VAV3: variants seen among roughly 807,000 people sequenced by gnomAD.
The protein encoded by VAV3 is guanine nucleotide exchange factor VAV3.
In VAV3, 94 loss-of-function variants were observed where a neutral mutation model predicts 131.2. The observed-to-expected ratio is 0.72, with a 90% CI of 0.61 to 0.85. The LOEUF (loss-of-function observed/expected upper bound fraction) is 0.85. Ranked by LOEUF, VAV3 falls within the 40% of genes least tolerant of loss-of-function variation. The pLI is 0.00. For missense variants in VAV3, 939 were observed against 1,002.7 expected, an observed-to-expected ratio of 0.94 and a Z score of 0.86; for synonymous variants, 349 against 342.0, an observed-to-expected ratio of 1.02 and a Z score of -0.22.
chr1:107,895,478 C>T (rs1557908256), intron 1 of VAV3, among the ~76,000 whole-genome samples: 1 of 152,166 alleles, frequency 6.6e-6, no homozygotes. Flanking sequence ...CACAGCTACC[C>T]CCATTTTACA....
At chr1:107,713,931 A>T (rs985411313) in intron 15 of VAV3, among the ~76,000 whole-genome samples, 2 of 152,152 alleles carry the variant, frequency 1.3e-5, no homozygotes, top group Non-Finnish European at 2.9e-5. Context: ...TTAAGAACTA[A>T]TTATTCTAAA....
chr1:107,830,401 T>C (rs991356088), intron 2 of VAV3, among the ~76,000 whole-genome samples: 5 of 151,764 alleles, frequency 3.3e-5, no homozygotes, highest in African/African-American at 1.2e-4. Context: ...GAGATGGGTC[T>C]CACTATTGTG....
chr1:107,620,984 C>A (rs991866500), intron 20 of VAV3, among the ~76,000 whole-genome samples: 1 of 151,924 alleles, frequency 6.6e-6, no homozygotes, highest in African/African-American at 2.4e-5. Flanking sequence ...CAAATCAGGA[C>A]CTTTTGAGAG....
intron 21 of VAV3, 97 bp from the exon 22 acceptor site, chr1:107,610,062 C>A: frequency 9.1e-7 from 1 of 1,102,860 alleles, no homozygotes; most frequent in Non-Finnish European, 1.4e-6. Flanking sequence ...CTCTATAAAA[C>A]CCTAAGTGGC....
At chr1:107,942,743 G>T (rs564110776) in intron 1 of VAV3, among the ~76,000 whole-genome samples, 33 of 151,978 alleles carry the variant, frequency 2.2e-4, no homozygotes, top group Non-Finnish European at 3.7e-4. Context: ...ACCAACCCCC[G>T]GCCTTTGTAA....
At chr1:107,938,951 C>A (rs560004977) in intron 1 of VAV3, among the ~76,000 whole-genome samples, 1 of 152,306 alleles carries the variant, frequency 6.6e-6, no homozygotes. Context: ...AAACTGTGTT[C>A]AAATAAGGCA....
rs529775666 is a variant in VAV3 at position 107,824,859 on chromosome 1, G to T, written c.322-45367C>A. 8.6e-5 allele frequency among the ~76,000 whole-genome samples: 13 copies of T among 151,802 alleles called. No homozygotes were observed. The South Asian group carries it at 2.7e-3, about 32-fold the overall frequency. On this transcript the variant is annotated intron_variant, in intron 2 of 26. Transcript: ENST00000370056. ...TAGAAATAATATAAAAATATAAAAAGCAATATTAACCAAAAGAAATAGAAG... is the reference window on the plus strand; with the variant it reads ...TAGAAATAATATAAAAATATAAAAATCAATATTAACCAAAAGAAATAGAAG...
intron 9 of VAV3, among the ~76,000 whole-genome samples, chr1:107,763,030 G>A (rs1193295720): frequency 6.6e-6 from 1 of 152,104 alleles, no homozygotes; most frequent in African/African-American, 2.4e-5. Context: ...AACTCAACAA[G>A]AACAAAAATA....
At chr1:107,738,525 GC>G in intron 15 of VAV3, among the ~76,000 whole-genome samples, 1 of 152,138 alleles carries the variant, frequency 6.6e-6, no homozygotes, top group Non-Finnish European at 1.5e-5. Flanking sequence ...TGACTTCCTT[GC>G]CATCTCCCCA....
intron 12 of VAV3, among the ~76,000 whole-genome samples, chr1:107,754,545 G>T (rs2102090130): frequency 6.6e-6 from 1 of 152,300 alleles, no homozygotes; most frequent in South Asian, 2.1e-4. Context: ...TGCTCACAGG[G>T]TCTTCTTGAA....
intron 15 of VAV3, among the ~76,000 whole-genome samples, chr1:107,720,675 T>A (rs911757530): frequency 5.3e-5 from 8 of 152,230 alleles, no homozygotes; most frequent in Non-Finnish European, 7.4e-5. Context: ...CAAAACTCCA[T>A]CTCAAGAGAA....
At chr1:107,599,215 TAC>T (rs1337163020) in intron 24 of VAV3, among the ~76,000 whole-genome samples, 1 of 152,226 alleles carries the variant, frequency 6.6e-6, no homozygotes, top group Non-Finnish European at 1.5e-5. Flanking sequence ...GTTCCATTTT[TAC>T]AGTCTTACGA....
chr1:107,619,476 T>C (rs140269482), intron 20 of VAV3, among the ~76,000 whole-genome samples: 77 of 152,258 alleles, frequency 5.1e-4, no homozygotes, highest in African/African-American at 1.6e-3. Flanking sequence ...TTTGGGACTA[T>C]ACCACTAGCC....
chr1:107,636,557 T>A (rs1409974414), intron 20 of VAV3, among the ~76,000 whole-genome samples: 1 of 152,180 alleles, frequency 6.6e-6, no homozygotes, highest in Non-Finnish European at 1.5e-5. Flanking sequence ...TCAAAATAAT[T>A]ATATTAGCCC....
intron 2 of VAV3, among the ~76,000 whole-genome samples, chr1:107,784,307 G>A (rs928003499): frequency 2.6e-5 from 4 of 152,068 alleles, no homozygotes; most frequent in African/African-American, 7.2e-5. Context: ...GCAGAGTCAT[G>A]TCATATGTAT....
chr1:107,912,021 A>G (rs1672391817), intron 1 of VAV3, among the ~76,000 whole-genome samples: 1 of 152,228 alleles, frequency 6.6e-6, no homozygotes, highest in African/African-American at 2.4e-5. Context: ...TTGGAAGTTT[A>G]AAAGAAAGTA....
At chr1:107,696,151 A>T (rs1659732601) in intron 17 of VAV3, among the ~76,000 whole-genome samples, 1 of 152,224 alleles carries the variant, frequency 6.6e-6, no homozygotes, top group Non-Finnish European at 1.5e-5. Flanking sequence ...ATAAGCAAGC[A>T]TTATCTACAA....
chr1:107,745,404 A>G (rs907142309), intron 15 of VAV3, among the ~76,000 whole-genome samples: 1 of 151,916 alleles, frequency 6.6e-6, no homozygotes, highest in Admixed American at 6.6e-5. Flanking sequence ...GCGGGGGGGA[A>G]TCCTCCTGCC....
chr1:107,578,841 G>C (rs1341586309), intron 25 of VAV3: 1 of 984,586 alleles, frequency 1.0e-6, no homozygotes, highest in Non-Finnish European at 1.2e-6. Flanking sequence ...TTTCAATGAA[G>C]GTAATTTACA....
Sources: allele counts gnomAD v4.1 joint callset (sites outside exome capture counted in the v4.1 genomes callset), GRCh38; gene constraint gnomAD v4.1.1; transcripts MANE v1.5; gene names NCBI Gene and HGNC (gene_info 2026-07-23, HGNC 2026-07-21).